The following SNX9 variants were observed in gnomAD, a reference collection of about 807,000 sequenced individuals.
SNX9 encodes sorting nexin-9.
SNX9 carries 44 observed loss-of-function variants against 89.4 expected under a neutral mutation model. That is an observed-to-expected ratio of 0.49 (90% CI 0.39 to 0.63). SNX9 has a LOEUF of 0.63. Ranked by LOEUF, SNX9 falls within the 30% of genes least tolerant of loss-of-function variation. SNX9 has a pLI of 0.00. For missense variants in SNX9, 578 were observed against 736.1 expected (o/e 0.79, Z 2.49); for synonymous variants, 236 against 247.8 (o/e 0.95, Z 0.45).
chr6:157,907,685 C>T (rs1783247010), intron 7 of SNX9, among the ~76,000 whole-genome samples: 1 of 152,240 alleles, frequency 6.6e-6, no homozygotes, highest in Admixed American at 6.5e-5. Context: ...AGTAGAACTG[C>T]ACCCATGCAC....
At chr6:157,934,884 G>A (rs556083881) in intron 13 of SNX9, among the ~76,000 whole-genome samples, 12 of 152,204 alleles carry the variant, frequency 7.9e-5, no homozygotes, top group Admixed American at 3.9e-4. Context: ...GGCACCAATC[G>A]TAAGGTCCAC....
At chr6:157,938,826 C>A in intron 16 of SNX9, 79 bp downstream of exon 16, 1 of 1,044,994 alleles carries the variant, frequency 9.6e-7, no homozygotes, top group Non-Finnish European at 1.5e-6. Flanking sequence ...AGAGAGAAAT[C>A]CAGATGTGAG....
chr6:157,896,821 C>A lies in SNX9; in HGVS notation c.301-6C>A. Reference sequence around the variant, plus strand: ...AAATTCTCCTTCTTTTTACCCCTCTCAATAGGTTGGCAGTGGCAATGACCC... The same window carrying A: ...AAATTCTCCTTCTTTTTACCCCTCTAAATAGGTTGGCAGTGGCAATGACCC... On this transcript the variant is annotated splice_polypyrimidine_tract_variant and splice_region_variant and intron_variant, in intron 4 of 17. Coordinates refer to ENST00000392185, the MANE Select transcript of SNX9 (RefSeq NM_016224.5). 1 of 1,612,470 alleles carries A rather than the reference C, an allele frequency of 6.2e-7. No individual in the cohort carries two copies. Among genetic ancestry groups the A allele is most frequent in the South Asian group, 1.1e-5 (1 of 90,676 alleles).
Position 157,906,155 on chromosome 6 carries a change from G to A in SNX9, c.648G>A (p.Thr216=), listed in dbSNP as rs776559345. The change falls in exon 7 of 18, where the codon ACG becomes ACA. Residue 216 remains threonine, a synonymous_variant. Coordinates refer to ENST00000392185, the MANE Select transcript of SNX9 (RefSeq NM_016224.5). ...TTCCTGGATTTGCGAAACCTGGCAC[G>A]GAACAGTATTTGTTGGCCAAACAAC... ...NKFPGFAKPG[T]EQYLLAKQLA... is the part of the protein sequence containing the mutation. The A allele has an allele frequency of 4.0e-5, 64 of 1,607,806 alleles. No homozygotes were observed. In the Admixed American group the frequency reaches 6.8e-4, roughly 17 times the overall value.
Position 157,927,197 on chromosome 6 carries a change from C to T in SNX9, c.1167C>T (p.Asp389=), listed in dbSNP as rs184946416. 29 of 1,612,966 alleles carry T rather than the reference C, an allele frequency of 1.8e-5. No homozygotes were observed. In the East Asian group the frequency reaches 6.2e-4, roughly 35 times the overall value. ...CCACCATGGAACCAGAGGCACCTGACTTGGACTTAGTAGAAATGTGAGAGA... is the reference window on the plus strand; with the variant it reads ...CCACCATGGAACCAGAGGCACCTGATTTGGACTTAGTAGAAATGTGAGAGA... ...IFSTMEPEAP[D]LDLVEIEQKC... The change falls in exon 11 of 18, where the codon GAC becomes GAT. Residue 389 remains aspartate, a synonymous_variant. Coordinates refer to ENST00000392185, the MANE Select transcript of SNX9 (RefSeq NM_016224.5).
At chr6:157,855,201 A>G (rs185673195) in intron 1 of SNX9, among the ~76,000 whole-genome samples, 2 of 152,278 alleles carry the variant, frequency 1.3e-5, no homozygotes, top group African/African-American at 4.8e-5. Flanking sequence ...TATATTAGAG[A>G]TCATTCCACA....
intron 10 of SNX9, chr6:157,924,653 G>C (rs1783652663): frequency 6.6e-6 from 1 of 152,522 alleles, no homozygotes; most frequent in African/African-American, 2.4e-5. Context: ...TTTAGAGGTG[G>C]TGCCATTCTT....
intron 17 of SNX9, among the ~76,000 whole-genome samples, 181 bp from the exon 18 acceptor site, chr6:157,942,610 C>T (rs574358827): frequency 7.2e-5 from 11 of 152,314 alleles, no homozygotes; most frequent in African/African-American, 1.9e-4. Flanking sequence ...CCAGCGCTGC[C>T]GGTGTCATTC....
chr6:157,824,978 T>C (rs1329025016), intron 1 of SNX9, among the ~76,000 whole-genome samples: 1 of 152,164 alleles, frequency 6.6e-6, no homozygotes, highest in Non-Finnish European at 1.5e-5. Flanking sequence ...GCGCGGTGGC[T>C]CACTCCCACC....
chr6:157,921,128 C>G (rs1010724507), intron 9 of SNX9, among the ~76,000 whole-genome samples: 2 of 152,200 alleles, frequency 1.3e-5, no homozygotes, highest in African/African-American at 2.4e-5. Context: ...TCCTTTCTTG[C>G]TTATAGGACT....
chr6:157,899,495 TTATC>T (rs932166241), intron 5 of SNX9, among the ~76,000 whole-genome samples: 3 of 152,086 alleles, frequency 2.0e-5, no homozygotes, highest in South Asian at 2.1e-4. Context: ...TTTAAAAAAA[TTATC>T]TATATTTTCA....
At chr6:157,880,996 C>A (rs962756084) in intron 4 of SNX9, among the ~76,000 whole-genome samples, 1 of 152,160 alleles carries the variant, frequency 6.6e-6, no homozygotes, top group African/African-American at 2.4e-5. Flanking sequence ...ATCTCATATA[C>A]CACTGCTTCT....
chr6:157,876,927 C>G (rs570539745), intron 4 of SNX9, among the ~76,000 whole-genome samples: 3 of 152,290 alleles, frequency 2.0e-5, no homozygotes, highest in Non-Finnish European at 4.4e-5. Context: ...AGGAGCAAAG[C>G]CAAGCCAGTT....
chr6:157,853,157 C>A (rs1781945774), intron 1 of SNX9, among the ~76,000 whole-genome samples: 1 of 151,664 alleles, frequency 6.6e-6, no homozygotes, highest in African/African-American at 2.4e-5. Context: ...ACACATTCTT[C>A]CTCAGCTTTT....
At chr6:157,920,427 G>A (rs1025494981) in intron 9 of SNX9, among the ~76,000 whole-genome samples, 5 of 152,102 alleles carry the variant, frequency 3.3e-5, no homozygotes, top group African/African-American at 1.2e-4. Flanking sequence ...CTACCCTCAC[G>A]GAGAAGCTGC....
chr6:157,840,456 C>CTTTCT (rs1295594967), intron 1 of SNX9, among the ~76,000 whole-genome samples: 9 of 149,634 alleles, frequency 6.0e-5, no homozygotes, highest in South Asian at 4.3e-4. Flanking sequence ...CCTTTCCTTC[C>CTTTCT]TTCCTTCCTT....
intron 1 of SNX9, among the ~76,000 whole-genome samples, chr6:157,845,990 A>G (rs532026005): frequency 6.6e-6 from 1 of 152,338 alleles, no homozygotes; most frequent in East Asian, 1.9e-4. Flanking sequence ...ATTGATTTGC[A>G]AGAAGGATCA....
At chr6:157,869,876 T>C (rs1782355076) in intron 2 of SNX9, among the ~76,000 whole-genome samples, 1 of 152,014 alleles carries the variant, frequency 6.6e-6, no homozygotes, top group South Asian at 2.1e-4. Flanking sequence ...CACACCCTTA[T>C]GCGTGCACAT....
intron 5 of SNX9, among the ~76,000 whole-genome samples, chr6:157,898,590 C>T (rs919833931): frequency 6.6e-6 from 1 of 152,130 alleles, no homozygotes; most frequent in Admixed American, 6.5e-5. Context: ...GTTTTAACTT[C>T]CTGTTTGACT....
Sources: gnomAD v4.1 joint callset for allele counts (sites outside exome capture counted in the v4.1 genomes callset) on GRCh38, gnomAD v4.1.1 for gene constraint, MANE v1.5 for transcripts, NCBI Gene and HGNC (gene_info 2026-07-23, HGNC 2026-07-21) for gene names.